Variants in LCORL observed in about 807,000 individuals in gnomAD.
LCORL encodes the protein ligand dependent nuclear receptor corepressor like.
In LCORL, 41 loss-of-function variants were observed where a neutral mutation model predicts 141.8. That is an observed-to-expected ratio of 0.29 (90% CI 0.23 to 0.38). LCORL has a LOEUF of 0.38. Among genes scored for constraint, LCORL ranks in the 10% least tolerant of loss-of-function variants. LCORL has a pLI of 1.00. For synonymous variants in LCORL, 618 were observed against 694.1 expected, an observed-to-expected ratio of 0.89 and a Z score of 1.72; for missense variants, 1,759 against 2,035.0, an observed-to-expected ratio of 0.86 and a Z score of 2.61.
At chr4:17,949,233 T>C (rs1341086298) in intron 4 of LCORL, among the ~76,000 whole-genome samples, 1 of 152,074 alleles carries the variant, frequency 6.6e-6, no homozygotes, top group East Asian at 1.9e-4. Context: ...ACAATTGATG[T>C]GGAAGAGGCC....
intron 6 of LCORL, among the ~76,000 whole-genome samples, chr4:17,878,776 AATAAAATCTATTT>A (rs1727190062): frequency 6.6e-6 from 1 of 151,362 alleles, no homozygotes; most frequent in African/African-American, 2.4e-5. Context: ...GCTATTTAAA[AATAAAATCTATTT>A]TTAATTGATG....
At position 17,895,260 on chromosome 4, in the gene LCORL, C is replaced by A. The variant is rs7671011; in HGVS notation, c.683-9099G>T. Among the ~76,000 whole-genome samples the A allele has an allele frequency of 8.0e-3, 1,211 of 152,038 alleles. 14 individuals are homozygous for A. Among genetic ancestry groups the A allele is most frequent in the African/African-American group, 0.027 (1,131 of 41,494 alleles). ...TATTGTGCAACAAAACACAAGTATT[C>A]CTCCTACCTAACTTTGTACCTGTTG... On this transcript the variant is annotated intron_variant, in intron 5 of 7. Transcript: ENST00000635767.
intron 1 of LCORL, among the ~76,000 whole-genome samples, chr4:17,987,314 T>C (rs1394750854): frequency 1.3e-5 from 2 of 152,340 alleles, no homozygotes; most frequent in Middle Eastern, 3.4e-3. Flanking sequence ...GAATATCACA[T>C]ATGCACTTTT....
chr4:17,870,405 C>CT (rs1726206591), intron 7 of LCORL, among the ~76,000 whole-genome samples: 1 of 152,158 alleles, frequency 6.6e-6, no homozygotes, highest in African/African-American at 2.4e-5. Flanking sequence ...CATCAGCCTC[C>CT]TTCAAGCCTC....
chr4:17,876,636 T>C, exon 7 of LCORL: 1 of 1,230,712 alleles, frequency 8.1e-7, no homozygotes, highest in South Asian at 4.1e-5. Flanking sequence ...ATTTGTTACA[T>C]ATACAGAATA....
intron 4 of LCORL, among the ~76,000 whole-genome samples, chr4:17,948,267 G>C (rs1220351116): frequency 6.6e-6 from 1 of 151,976 alleles, no homozygotes; most frequent in Non-Finnish European, 1.5e-5. Context: ...AAGGTAACTG[G>C]AGGTATGGGT....
rs1413681813 is a variant in LCORL, at chr4:18,021,106, G to A, written c.154+492C>T. ...TCCAGGTCCAGGTCCCCGGGAACTGGCCGCGTCTGCTCACCCGGCCCCCGG... is the reference window on the plus strand; with the variant it reads ...TCCAGGTCCAGGTCCCCGGGAACTGACCGCGTCTGCTCACCCGGCCCCCGG... On this transcript the variant is annotated intron_variant, in intron 1 of 7. Coordinates refer to ENST00000635767, the Ensembl canonical transcript of LCORL. This position sits in a 1 kb window ranked among gnomAD's most constrained non-coding sequence, Gnocchi z 5.5. Among the ~76,000 whole-genome samples the A allele has an allele frequency of 6.6e-6, 1 of 152,028 alleles. No homozygotes were observed. Among genetic ancestry groups the A allele is most frequent in the Non-Finnish European group, 1.5e-5 (1 of 67,976 alleles).
chr4:17,888,605 A>G (rs11944805), intron 5 of LCORL, among the ~76,000 whole-genome samples: 1 of 152,120 alleles, frequency 6.6e-6, no homozygotes, highest in African/African-American at 2.4e-5. Flanking sequence ...CGTGGACAGC[A>G]TCCTATAATA....
chr4:17,993,754 A>G (rs1720441908), intron 1 of LCORL, among the ~76,000 whole-genome samples: 1 of 152,190 alleles, frequency 6.6e-6, no homozygotes, highest in South Asian at 2.1e-4. Flanking sequence ...GCAAGTGGCG[A>G]ATAGAATGAA....
intron 5 of LCORL, among the ~76,000 whole-genome samples, chr4:17,895,401 A>C (rs1729762648): frequency 6.6e-6 from 1 of 152,066 alleles, no homozygotes; most frequent in Non-Finnish European, 1.5e-5. Context: ...TGACAAATAC[A>C]CATATTGTAT....
At chr4:17,991,443 C>A (rs1405988712) in intron 1 of LCORL, among the ~76,000 whole-genome samples, 4 of 152,198 alleles carry the variant, frequency 2.6e-5, no homozygotes, top group Admixed American at 2.6e-4. Context: ...CTTTTCTAAT[C>A]CCAAATGTAG....
At chr4:17,844,286 A>G (rs1187597476) in exon 8 of LCORL, 1 of 152,342 alleles carries the variant, frequency 6.6e-6, no homozygotes, top group Non-Finnish European at 1.5e-5. Context: ...AACTTGTACT[A>G]TATGAAATTG....
At position 17,875,287 on chromosome 4, in the gene LCORL, G is replaced by A; in HGVS notation, c.3703C>T (p.Arg1235Ter). 1 of 1,231,368 alleles carries A rather than the reference G, an allele frequency of 8.1e-7. No homozygotes were observed. Among genetic ancestry groups the A allele is most frequent in the Non-Finnish European group, 1.0e-6 (1 of 987,448 alleles). The allele number at this position is 1,231,368 out of a possible 1,614,324, so 76.3% of individuals were successfully genotyped here. A position where few individuals can be genotyped will look rare whatever the true frequency, so the allele number is the denominator to read the frequency against. ...ATTGCCAAAGGCTTCTGATTTGGTC[G>A]AATAATGTTCTTGGAAGGCTGAGGT... The change falls in exon 7 of 8, where the codon CGA becomes TGA. Residue 1235 changes from arginine (R) to a stop codon, truncating the protein, a stop_gained. Coordinates refer to ENST00000635767, the Ensembl canonical transcript of LCORL. LOFTEE classifies it high-confidence loss of function.
chr4:17,919,901 T>C lies in LCORL; in HGVS notation c.431-10556A>G, dbSNP rs112118262. ...AGACAGAATGCTGATGTCATGAAGCTTCCATAAAAACCCAAGAGGGCTGGG... is the reference window on the plus strand; with the variant it reads ...AGACAGAATGCTGATGTCATGAAGCCTCCATAAAAACCCAAGAGGGCTGGG... On this transcript the variant is annotated intron_variant, in intron 4 of 7. Transcript: ENST00000635767. Among the ~76,000 whole-genome samples, 757 of 152,322 alleles carry C rather than the reference T, an allele frequency of 5.0e-3. 3 individuals carry two copies. The highest frequency in any genetic ancestry group is 0.017 in the African/African-American group (717 of 41,576).
intron 4 of LCORL, among the ~76,000 whole-genome samples, chr4:17,910,727 C>A (rs751576064): frequency 1.3e-5 from 2 of 152,166 alleles, no homozygotes; most frequent in African/African-American, 4.8e-5. Flanking sequence ...CATTTGGTAG[C>A]AAAACATGAC....
intron 4 of LCORL, among the ~76,000 whole-genome samples, chr4:17,946,195 A>G (rs953331608): frequency 7.9e-5 from 12 of 152,036 alleles, no homozygotes; most frequent in African/African-American, 2.9e-4. Context: ...ACATATGGCA[A>G]CTAAGAAGGT....
chr4:17,924,610 G>A (rs911003109), intron 4 of LCORL, among the ~76,000 whole-genome samples: 3 of 152,152 alleles, frequency 2.0e-5, no homozygotes, highest in Non-Finnish European at 4.4e-5. Context: ...TATCCTGCAC[G>A]CAATGCTTCT....
intron 4 of LCORL, among the ~76,000 whole-genome samples, chr4:17,939,854 C>A (rs1737540475): frequency 1.4e-5 from 2 of 139,320 alleles, no homozygotes; most frequent in African/African-American, 3.0e-5. Context: ...AAAAAATAAA[C>A]CTGGGGAAAA....
chr4:17,932,808 ATATT>A (rs1247664818), intron 4 of LCORL, among the ~76,000 whole-genome samples: 1 of 152,170 alleles, frequency 6.6e-6, no homozygotes, highest in African/African-American at 2.4e-5. Flanking sequence ...AAAATCTCCA[ATATT>A]TATTCTCTGG....
Sources: gnomAD v4.1 joint callset for allele counts (sites outside exome capture counted in the v4.1 genomes callset) on GRCh38, gnomAD v4.1.1 for gene constraint, Gnocchi (gnomAD v3.1) non-coding constraint, MANE v1.5 for transcripts, NCBI Gene and HGNC (gene_info 2026-07-23, HGNC 2026-07-21) for gene names.